The following MACROD2 variants were observed in gnomAD, a reference collection of about 807,000 sequenced individuals.
MACROD2 encodes ADP-ribose glycohydrolase MACROD2.
In MACROD2, 36 loss-of-function variants were observed where a neutral mutation model predicts 70.4. The ratio of observed to expected loss-of-function variants is 0.51; its 90% CI spans 0.39 to 0.68. MACROD2 has a LOEUF of 0.68. Ranked by LOEUF, MACROD2 falls within the 30% of genes least tolerant of loss-of-function variation. MACROD2 has a pLI of 0.00. For synonymous variants in MACROD2, 172 were observed against 178.8 expected (o/e 0.96, Z 0.30); for missense variants, 496 against 538.4 (o/e 0.92, Z 0.78).
intron 5 of MACROD2, among the ~76,000 whole-genome samples, chr20:14,915,921 T>C (rs946016275): frequency 2.0e-5 from 3 of 152,110 alleles, no homozygotes; most frequent in African/African-American, 7.2e-5. Context: ...TGCAGACCTA[T>C]GGTAAACAGG....
chr20:15,035,319 A>G (rs2075304457), intron 5 of MACROD2, among the ~76,000 whole-genome samples: 1 of 152,118 alleles, frequency 6.6e-6, no homozygotes, highest in Admixed American at 6.5e-5. Flanking sequence ...TGGGAAGATC[A>G]CTTTTGCCTG....
chr20:15,927,950 G>T (rs529559214), intron 10 of MACROD2, among the ~76,000 whole-genome samples: 41 of 152,302 alleles, frequency 2.7e-4, no homozygotes, highest in Admixed American at 7.8e-4. Context: ...AGTCGGAAGG[G>T]CTTCTCTGTC....
intron 4 of MACROD2, among the ~76,000 whole-genome samples, chr20:14,600,635 CAG>C (rs775099895): frequency 2.0e-5 from 3 of 152,086 alleles, no homozygotes; most frequent in Non-Finnish European, 4.4e-5. Context: ...AACCAAGGCT[CAG>C]AGAAATTAAA....
intron 3 of MACROD2, among the ~76,000 whole-genome samples, chr20:14,415,907 T>C (rs551675765): frequency 6.6e-6 from 1 of 152,204 alleles, no homozygotes; most frequent in Non-Finnish European, 1.5e-5. Flanking sequence ...GCTTTTTTCT[T>C]ATTAGAAGTG....
chr20:14,444,710 C>T (rs748739710), intron 3 of MACROD2, among the ~76,000 whole-genome samples: 5 of 152,030 alleles, frequency 3.3e-5, no homozygotes, highest in Non-Finnish European at 7.4e-5. Context: ...TATCCAAAAT[C>T]AGCTTCTTCT....
chr20:16,040,287 C>A (rs557490611), intron 15 of MACROD2, among the ~76,000 whole-genome samples: 12 of 151,986 alleles, frequency 7.9e-5, no homozygotes, highest in South Asian at 2.1e-4. Context: ...CTGGATCTTT[C>A]CTGTCCTTGC....
At chr20:14,830,893 C>T (rs2072957215) in intron 5 of MACROD2, among the ~76,000 whole-genome samples, 1 of 152,150 alleles carries the variant, frequency 6.6e-6, no homozygotes, top group South Asian at 2.1e-4. Context: ...AAAATGTCCT[C>T]ATGAGTCTTA....
At chr20:14,391,398 C>T (rs1171715903) in intron 3 of MACROD2, among the ~76,000 whole-genome samples, 1 of 152,046 alleles carries the variant, frequency 6.6e-6, no homozygotes, top group East Asian at 1.9e-4. Flanking sequence ...CAAGTTGTCA[C>T]TTATAAGTGG....
chr20:15,862,642 A>G, intron 8 of MACROD2, 103 bp from the exon 9 acceptor site: 2 of 871,216 alleles, frequency 2.3e-6, no homozygotes, highest in Non-Finnish European at 1.8e-6. Flanking sequence ...AGAACCAAAA[A>G]TCTGTATGAG....
intron 10 of MACROD2, 113 bp downstream of exon 10, chr20:15,885,924 T>G (rs2064816755): frequency 8.5e-7 from 1 of 1,177,048 alleles, no homozygotes; most frequent in Admixed American, 3.2e-5. Flanking sequence ...AATAGAAATA[T>G]ATGCTCAGTG....
At chr20:15,451,066 GA>G (rs1434216037) in intron 7 of MACROD2, among the ~76,000 whole-genome samples, 3 of 152,078 alleles carry the variant, frequency 2.0e-5, no homozygotes, top group African/African-American at 7.2e-5. Flanking sequence ...TCTAGGAGGG[GA>G]TAAGTAACAT....
In MACROD2 at chr20:14,270,587, C is replaced by CAA. The variant is rs11480264; in HGVS notation, c.271+184874_271+184875dup. ...CTGGCAACAGAGTGAGACTCCATCT[C>CAA]AAAAAAAAAAAAAAAAGGTTTTCAA... On this transcript the variant is annotated intron_variant, in intron 3 of 17. Coordinates refer to ENST00000684519, the MANE Select transcript of MACROD2 (RefSeq NM_001351661.2). Among the ~76,000 whole-genome samples the CAA allele has an allele frequency of 4.7e-3, 585 of 124,574 alleles. 1 individual carries two copies. Among genetic ancestry groups the CAA allele is most frequent in the African/African-American group, 0.011 (334 of 31,262 alleles). 81.7% of individuals were successfully genotyped at this position (124,574 alleles called of 152,430 possible).
intron 5 of MACROD2, among the ~76,000 whole-genome samples, chr20:14,916,185 C>G (rs1020275889): frequency 6.6e-6 from 1 of 152,146 alleles, no homozygotes; most frequent in Non-Finnish European, 1.5e-5. Flanking sequence ...TCATGAAACG[C>G]AGAGCTGTTA....
chr20:14,410,866 C>T (rs2083741986), intron 3 of MACROD2, among the ~76,000 whole-genome samples: 1 of 152,168 alleles, frequency 6.6e-6, no homozygotes, highest in African/African-American at 2.4e-5. Flanking sequence ...TACAAACACT[C>T]TCATGCTTGT....
intron 3 of MACROD2, among the ~76,000 whole-genome samples, chr20:14,263,573 C>T (rs1299260299): frequency 1.3e-5 from 2 of 152,056 alleles, no homozygotes; most frequent in Admixed American, 1.3e-4. Context: ...CCATCTTAAG[C>T]AGAGCCAGGA....
At chr20:14,524,796 C>T (rs550265931) in intron 4 of MACROD2, among the ~76,000 whole-genome samples, 1 of 152,284 alleles carries the variant, frequency 6.6e-6, no homozygotes, top group East Asian at 1.9e-4. Context: ...GCTTCCCCAG[C>T]CTCCTTCCTG....
chr20:15,429,277 A>C (rs1302489679), intron 6 of MACROD2, among the ~76,000 whole-genome samples: 2 of 152,196 alleles, frequency 1.3e-5, no homozygotes, highest in Non-Finnish European at 2.9e-5. Context: ...ATTTAAGAAC[A>C]TTCTTCAGAT....
intron 7 of MACROD2, among the ~76,000 whole-genome samples, chr20:15,481,837 G>A (rs990967963): frequency 6.6e-6 from 1 of 152,168 alleles, no homozygotes; most frequent in African/African-American, 2.4e-5. Context: ...GCTGGCTTCT[G>A]CCCTTATGGA....
chr20:14,341,198 G>A (rs759672433), intron 3 of MACROD2, among the ~76,000 whole-genome samples: 1 of 152,194 alleles, frequency 6.6e-6, no homozygotes, highest in East Asian at 1.9e-4. Flanking sequence ...AGTAGGACTA[G>A]ATGATCCCCA....
Sources: gnomAD v4.1 joint callset for allele counts (sites outside exome capture counted in the v4.1 genomes callset) on GRCh38, gnomAD v4.1.1 for gene constraint, MANE v1.5 for transcripts, NCBI Gene and HGNC (gene_info 2026-07-23, HGNC 2026-07-21) for gene names.